The following PEBP4 variants were observed in gnomAD, a reference collection of about 807,000 sequenced individuals.
PEBP4 encodes the protein phosphatidylethanolamine binding protein 4, also known as phosphatidylethanolamine-binding protein 4.
PEBP4 carries 22 observed loss-of-function variants against 23.9 expected under a neutral mutation model. The ratio of observed to expected loss-of-function variants is 0.92; its 90% CI spans 0.66 to 1.31. The LOEUF is 1.31. Ranked by LOEUF, PEBP4 falls within the 40% of genes most tolerant of loss-of-function variation. The probability of loss-of-function intolerance (pLI) is 0.00; values close to 1 mark genes in which losing one functional copy is unlikely to be tolerated. For synonymous variants in PEBP4, 112 were observed against 99.3 expected (o/e 1.13, Z -0.76); for missense variants, 324 against 281.7 (o/e 1.15, Z -1.07).
In PEBP4 at chr8:22,920,271, G is replaced by C. The variant is rs1450624711; in HGVS notation, c.171C>G (p.Gly57=). 3.1e-6 allele frequency: 5 copies of C among 1,613,768 alleles called. No individual in the cohort carries two copies. The Admixed American group carries it at 8.3e-5, about 27-fold the overall frequency. Residue 57 remains glycine (G), a synonymous_variant, in exon 3 of 7, where the codon GGC becomes GGG. Coordinates refer to ENST00000256404, the MANE Select transcript of PEBP4 (RefSeq NM_144962.3). ...EVFYPELGNI[G]CKVVPDCNNY... ...TGTTACAATCAGGAACAACCTTGCA[G>C]CCAATGTTCCCCAACTCTGGGTAGA...
At chr8:22,836,206 A>C (rs986279303) in intron 3 of PEBP4, among the ~76,000 whole-genome samples, 1 of 152,234 alleles carries the variant, frequency 6.6e-6, no homozygotes, top group African/African-American at 2.4e-5. Context: ...ATGCATATTA[A>C]GTGAATTAAT....
chr8:22,730,673 G>T (rs1338903541), intron 4 of PEBP4, among the ~76,000 whole-genome samples: 3 of 152,204 alleles, frequency 2.0e-5, no homozygotes, highest in African/African-American at 7.2e-5. Context: ...CACTGCTCAG[G>T]GTTGCTGGGC....
intron 3 of PEBP4, among the ~76,000 whole-genome samples, chr8:22,902,056 T>G (rs1353942217): frequency 6.6e-6 from 1 of 152,148 alleles, no homozygotes; most frequent in Admixed American, 6.5e-5. Context: ...CAGTGGCTCA[T>G]GCCTGTAATC....
At chr8:22,778,428 C>T (rs28700152) in intron 4 of PEBP4, among the ~76,000 whole-genome samples, 187 of 151,628 alleles carry the variant, frequency 1.2e-3, no homozygotes, top group African/African-American at 3.4e-3. Context: ...CTTGTTGCCC[C>T]GGCTGGAGTG....
chr8:22,806,694 A>T (rs28711145), intron 4 of PEBP4, among the ~76,000 whole-genome samples: 41,590 of 151,702 alleles, frequency 0.27, 5,963 homozygotes, highest in South Asian at 0.38. Flanking sequence ...GGGACCAACT[A>T]GAAGATTGGT....
At chr8:22,785,955 T>C (rs1806018782) in intron 4 of PEBP4, among the ~76,000 whole-genome samples, 1 of 152,232 alleles carries the variant, frequency 6.6e-6, no homozygotes, top group Admixed American at 6.5e-5. Context: ...TTCACTTCTT[T>C]GAACCACAGC....
At chr8:22,761,185 A>T (rs922336914) in intron 4 of PEBP4, among the ~76,000 whole-genome samples, 1 of 152,116 alleles carries the variant, frequency 6.6e-6, no homozygotes, top group Admixed American at 6.5e-5. Context: ...CTGAAAGGAG[A>T]CAGCCATCAC....
chr8:22,859,637 C>G (rs1807723485), intron 3 of PEBP4, among the ~76,000 whole-genome samples: 1 of 152,152 alleles, frequency 6.6e-6, no homozygotes. Context: ...CCCACTTCAG[C>G]AATGTATGAA....
chr8:22,833,505 T>C (rs1205318550), intron 3 of PEBP4, among the ~76,000 whole-genome samples: 1 of 152,166 alleles, frequency 6.6e-6, no homozygotes, highest in African/African-American at 2.4e-5. Flanking sequence ...CTGATGTTTG[T>C]ATTTTTGGTA....
chr8:22,913,106 C>A (rs1808982033), intron 3 of PEBP4, among the ~76,000 whole-genome samples: 2 of 152,194 alleles, frequency 1.3e-5, no homozygotes, highest in Admixed American at 1.3e-4. Context: ...GACAACTGAT[C>A]CCATCCATGA....
chr8:22,762,482 A>G (rs1422258141), intron 4 of PEBP4, among the ~76,000 whole-genome samples: 1 of 152,204 alleles, frequency 6.6e-6, no homozygotes, highest in Non-Finnish European at 1.5e-5. Flanking sequence ...GCTTTTGCCC[A>G]TGGTTGAGAA....
intron 3 of PEBP4, among the ~76,000 whole-genome samples, chr8:22,834,387 TCAGGCTGGTGTCCAGCAGC>T (rs539098989): frequency 1.4e-3 from 219 of 152,334 alleles, no homozygotes; most frequent in African/African-American, 4.9e-3. Flanking sequence ...GGTTCGAATT[TCAGGCTGGTGTCCAGCAGC>T]CAGGCTGGTG....
intron 4 of PEBP4, among the ~76,000 whole-genome samples, chr8:22,798,243 G>C (rs1234048962): frequency 2.0e-5 from 3 of 152,118 alleles, no homozygotes; most frequent in Non-Finnish European, 1.5e-5. Flanking sequence ...GCTAATTCTG[G>C]AGAGAATGCT....
chr8:22,871,099 A>C (rs1807998066), intron 3 of PEBP4, among the ~76,000 whole-genome samples: 1 of 152,108 alleles, frequency 6.6e-6, no homozygotes, highest in Non-Finnish European at 1.5e-5. Flanking sequence ...AATCCACTGA[A>C]ATGCTGCTGG....
At chr8:22,733,403 A>G (rs1179980331) in intron 4 of PEBP4, among the ~76,000 whole-genome samples, 1 of 152,176 alleles carries the variant, frequency 6.6e-6, no homozygotes, top group Non-Finnish European at 1.5e-5. Context: ...TTGAGGGTCC[A>G]GCGACACTCC....
chr8:22,808,468 A>G (rs1307603418), intron 4 of PEBP4, among the ~76,000 whole-genome samples: 3 of 152,268 alleles, frequency 2.0e-5, no homozygotes, highest in East Asian at 3.8e-4. Context: ...ATAAGAAGAC[A>G]CATTTCTGCT....
intron 3 of PEBP4, among the ~76,000 whole-genome samples, chr8:22,888,640 C>T (rs1425251642): frequency 1.3e-5 from 2 of 152,236 alleles, no homozygotes; most frequent in African/African-American, 4.8e-5. Context: ...GAATCTCACA[C>T]ATCACTATGA....
At chr8:22,838,022 C>CT (rs1268393844) in intron 3 of PEBP4, among the ~76,000 whole-genome samples, 6 of 150,876 alleles carry the variant, frequency 4.0e-5, no homozygotes, top group Non-Finnish European at 1.5e-5. Flanking sequence ...CCTCAGCCCC[C>CT]TGAGTAGCTG....
chr8:22,932,528 C>A (rs957070563), upstream of PEBP4, among the ~76,000 whole-genome samples: 1 of 151,690 alleles, frequency 6.6e-6, no homozygotes, highest in East Asian at 1.9e-4. Flanking sequence ...CACACATATA[C>A]ACACACACAC....
Sources: allele counts gnomAD v4.1 joint callset (sites outside exome capture counted in the v4.1 genomes callset), GRCh38; gene constraint gnomAD v4.1.1; transcripts MANE v1.5; gene names NCBI Gene and HGNC (gene_info 2026-07-23, HGNC 2026-07-21).